ZNF438: variants seen among roughly 807,000 people sequenced by gnomAD.
ZNF438 encodes zinc finger protein 438.
A neutral mutation model predicts 38.0 loss-of-function variants in ZNF438; 25 were observed. The observed-to-expected ratio is 0.66, with a 90% CI of 0.48 to 0.92. The LOEUF (loss-of-function observed/expected upper bound fraction) is 0.92. ZNF438 is among the 40% of genes least tolerant of loss of function. The pLI is 0.00. For missense variants in ZNF438, 1,007 were observed against 999.6 expected (o/e 1.01, Z -0.10); for synonymous variants, 372 against 364.1 (o/e 1.02, Z -0.25).
At chr10:30,939,164 A>G (rs911107486) in intron 2 of ZNF438, among the ~76,000 whole-genome samples, 5 of 152,312 alleles carry the variant, frequency 3.3e-5, no homozygotes, top group Middle Eastern at 3.4e-3. Flanking sequence ...TTAAGCATAA[A>G]GTAGACACTC....
At chr10:31,016,743 T>A (rs2056223448) in intron 1 of ZNF438, among the ~76,000 whole-genome samples, 1 of 152,182 alleles carries the variant, frequency 6.6e-6, no homozygotes, top group South Asian at 2.1e-4. Context: ...TCACTTCCAC[T>A]CTCATCCCAC....
At chr10:30,918,569 T>C (rs2043917751) in intron 2 of ZNF438, among the ~76,000 whole-genome samples, 1 of 152,190 alleles carries the variant, frequency 6.6e-6, no homozygotes, top group Non-Finnish European at 1.5e-5. Context: ...TTTCTCAGGG[T>C]GCCTCCATCG....
intron 3 of ZNF438, among the ~76,000 whole-genome samples, chr10:30,903,593 A>T (rs558211062): frequency 4.3e-4 from 65 of 152,302 alleles, no homozygotes; most frequent in Non-Finnish European, 7.5e-4. Context: ...TCTCTACAGC[A>T]CTGGGGGAGG....
At chr10:30,895,877 A>C (rs2041263280) in intron 3 of ZNF438, among the ~76,000 whole-genome samples, 1 of 152,214 alleles carries the variant, frequency 6.6e-6, no homozygotes, top group Non-Finnish European at 1.5e-5. Flanking sequence ...GATATGGAGG[A>C]ATTGAAACTC....
chr10:30,913,639 A>T (rs1012172276), intron 2 of ZNF438, among the ~76,000 whole-genome samples: 1 of 152,124 alleles, frequency 6.6e-6, no homozygotes, highest in Non-Finnish European at 1.5e-5. Flanking sequence ...GTCAGCCTAG[A>T]AATTAAGACA....
intron 1 of ZNF438, among the ~76,000 whole-genome samples, chr10:31,017,689 ATC>A (rs1405704424): frequency 6.6e-6 from 1 of 152,208 alleles, no homozygotes; most frequent in Non-Finnish European, 1.5e-5. Flanking sequence ...CCTTGAGATT[ATC>A]TGATTCACAT....
chr10:31,007,295 T>C (rs562123191), intron 1 of ZNF438, among the ~76,000 whole-genome samples: 228 of 149,356 alleles, frequency 1.5e-3, no homozygotes, highest in Non-Finnish European at 2.7e-3. Flanking sequence ...TTTTTTTTTT[T>C]TTTGGAGACA....
At chr10:31,009,351 T>C (rs1022279846) in intron 1 of ZNF438, among the ~76,000 whole-genome samples, 2 of 152,166 alleles carry the variant, frequency 1.3e-5, no homozygotes, top group Non-Finnish European at 2.9e-5. Flanking sequence ...TCTGCTTCCA[T>C]TAATTTAAAA....
intron 2 of ZNF438, among the ~76,000 whole-genome samples, chr10:30,930,379 C>G (rs922733510): frequency 2.6e-5 from 4 of 152,164 alleles, no homozygotes; most frequent in African/African-American, 9.7e-5. Flanking sequence ...TCACACTGGC[C>G]TGCGAGTGCA....
intron 3 of ZNF438, among the ~76,000 whole-genome samples, chr10:30,902,660 C>T (rs1174094171): frequency 6.6e-6 from 1 of 152,164 alleles, no homozygotes; most frequent in African/African-American, 2.4e-5. Context: ...GAGCTAGACA[C>T]AGAGTGCTGA....
At chr10:30,864,624 C>T (rs1243832914) in intron 4 of ZNF438, among the ~76,000 whole-genome samples, 1 of 152,218 alleles carries the variant, frequency 6.6e-6, no homozygotes, top group Non-Finnish European at 1.5e-5. Flanking sequence ...ATAATTTTTA[C>T]TGAAGGAACG....
intron 1 of ZNF438, among the ~76,000 whole-genome samples, chr10:31,002,971 G>A (rs1009114019): frequency 2.0e-5 from 3 of 152,158 alleles, no homozygotes; most frequent in African/African-American, 4.8e-5. Flanking sequence ...TTAAGGGCCT[G>A]GAATGTATAG....
At chr10:30,865,758 G>C (rs1163483457) in intron 4 of ZNF438, among the ~76,000 whole-genome samples, 1 of 152,214 alleles carries the variant, frequency 6.6e-6, no homozygotes, top group Non-Finnish European at 1.5e-5. Flanking sequence ...GTGTATGATA[G>C]AGAGTAGACG....
chr10:30,908,512 T>C (rs974238571), intron 3 of ZNF438, among the ~76,000 whole-genome samples: 1 of 152,196 alleles, frequency 6.6e-6, no homozygotes, highest in African/African-American at 2.4e-5. Flanking sequence ...CACAGTAAGG[T>C]GCTTGCTTTG....
At chr10:30,981,877 CAA>C (rs113602194) in intron 1 of ZNF438, among the ~76,000 whole-genome samples, 11 of 106,694 alleles carry the variant, frequency 1.0e-4, no homozygotes, top group Admixed American at 2.0e-4. Context: ...GACTCCATCT[CAA>C]AAAAAAAAAA....
chr10:30,861,964 G>C (rs1262778419), intron 4 of ZNF438, among the ~76,000 whole-genome samples: 1 of 152,174 alleles, frequency 6.6e-6, no homozygotes, highest in East Asian at 1.9e-4. Flanking sequence ...GGAAACTTCT[G>C]AAATGCTTTG....
chr10:30,861,730 T>A (rs1052466636), intron 4 of ZNF438, among the ~76,000 whole-genome samples: 7 of 152,170 alleles, frequency 4.6e-5, no homozygotes, highest in Non-Finnish European at 8.8e-5. Context: ...ATGCTTCTGA[T>A]AAAAAATGGT....
At chr10:30,959,687 G>C (rs2049261931) in intron 1 of ZNF438, among the ~76,000 whole-genome samples, 2 of 146,112 alleles carry the variant, frequency 1.4e-5, no homozygotes, top group African/African-American at 2.4e-5. Context: ...GGCGGAGCTT[G>C]TAATGAGCCG....
At chr10:30,924,424 G>A (rs2044678230) in intron 2 of ZNF438, among the ~76,000 whole-genome samples, 1 of 152,212 alleles carries the variant, frequency 6.6e-6, no homozygotes, top group South Asian at 2.1e-4. Context: ...TGATGAATGA[G>A]GGGTGCGGCA....
Sources: gnomAD v4.1 joint callset for allele counts (sites outside exome capture counted in the v4.1 genomes callset) on GRCh38, gnomAD v4.1.1 for gene constraint, MANE v1.5 for transcripts, NCBI Gene and HGNC (gene_info 2026-07-23, HGNC 2026-07-21) for gene names.